Variants in VARS1 observed in about 807,000 individuals in gnomAD.
VARS1 encodes the protein valine--tRNA ligase.
A neutral mutation model predicts 161.0 loss-of-function variants in VARS1; 92 were observed. The ratio of observed to expected loss-of-function variants is 0.57; its 90% CI spans 0.48 to 0.68. The LOEUF is 0.68. Among genes scored for constraint, VARS1 ranks in the 30% least tolerant of loss-of-function variants. The pLI, the probability that VARS1 is intolerant of heterozygous loss-of-function variation, is 0.00. For synonymous variants in VARS1, 595 were observed against 682.5 expected (o/e 0.87, Z 2.00); for missense variants, 1,338 against 1,695.9 (o/e 0.79, Z 3.71).
rs957120328 is a variant in VARS1 at position 31,791,534 on chromosome 6, TC to T, written c.1100+75del. The stretch of plus-strand genomic sequence containing the variant: ...AGCACCAACCCAGAAGGAGAGAGGC[TC>T]GGGGGGCTGTCAGGGAAAAGGAGAG... On this transcript the variant is annotated intron_variant, in intron 8 of 29. Transcript: ENST00000375663. The surrounding 1 kb of genome is among the most constrained non-coding windows in gnomAD (Gnocchi z 5.0). 174 of 1,526,134 alleles carry T rather than the reference TC, an allele frequency of 1.1e-4. No individual in the cohort carries two copies. Among genetic ancestry groups the T allele is most frequent in the African/African-American group, 9.4e-4 (68 of 72,568 alleles). The allele number at this position is 1,526,134 out of a possible 1,614,324, so 94.5% of individuals were successfully genotyped here.
In VARS1 at chr6:31,785,723, G is replaced by C; in HGVS notation, c.1111C>G (p.Arg371Gly). Residue 371 changes from arginine (R) to glycine (G), a missense_variant, in exon 9 of 30, where the codon CGT becomes GGT. Arg to Gly is a moderately radical substitution (Grantham distance 125). This residue lies in a region of VARS1 where 902 missense variants were observed against 1,090.3 expected (regional missense o/e 0.83). Coordinates refer to ENST00000375663, the MANE Select transcript of VARS1 (RefSeq NM_006295.3). This position sits in a 1 kb window ranked among gnomAD's most constrained non-coding sequence, Gnocchi z 6.1. ...GGGTTCCACAGGGTGGTCTCCCCAC[G>C]CATGCGGTGCCTGTTAGGGGGCATG... ...QDSLTRWHRMRGETTLWNPGC... is the reference protein window; with the variant it reads ...QDSLTRWHRMGGETTLWNPGC... The C allele has an allele frequency of 1.2e-6, 2 of 1,610,736 alleles. No homozygotes were observed. Among genetic ancestry groups the C allele is most frequent in the Non-Finnish European group, 1.7e-6 (2 of 1,179,134 alleles).
rs1039959422 is a variant in VARS1, at chr6:31,779,625, A to G, written c.3271T>C (p.Tyr1091His). The change falls in exon 27 of 30, where the codon TAC (tyrosine) becomes CAC (histidine). Residue 1091 changes from tyrosine (Y) to histidine (H), a missense_variant. Coordinates refer to ENST00000375663, the MANE Select transcript of VARS1 (RefSeq NM_006295.3). This position sits in a 1 kb window ranked among gnomAD's most constrained non-coding sequence, Gnocchi z 9.1. ...QAPPSLCVTP[Y>H]PEPSECSWKD... ...TGCCATACCTCTGAGGGCTCCGGGT[A>G]GGGGGTAACACAGAGGCTAGGGGGA... is the stretch of plus-strand genomic sequence containing the variant. 1 of 1,612,534 alleles carries G rather than the reference A, an allele frequency of 6.2e-7. No homozygotes were observed. The highest frequency in any genetic ancestry group is 1.3e-5 in the African/African-American group (1 of 75,004).
In VARS1 at chr6:31,781,959, C is replaced by G. The variant is rs1419814752; in HGVS notation, c.2242-7G>C. The G allele has an allele frequency of 6.2e-7, 1 of 1,613,028 alleles. No individual in the cohort carries two copies. Among genetic ancestry groups the G allele is most frequent in the African/African-American group, 1.3e-5 (1 of 74,930 alleles). On this transcript the variant is annotated splice_region_variant and splice_polypyrimidine_tract_variant and intron_variant, in intron 18 of 29. Transcript: ENST00000375663. The surrounding 1 kb of genome is among the most constrained non-coding windows in gnomAD (Gnocchi z 6.8). ...AGTACCGCCCATCAGGGTCCTGCCA[C>G]AGGTGCAGTGATTACCCAAGGGGGT...
Position 31,778,870 on chromosome 6 carries a change from C to A in VARS1, c.3726+97G>T. On this transcript the variant is annotated intron_variant, in intron 29 of 29. Transcript: ENST00000375663. This position sits in a 1 kb window ranked among gnomAD's most constrained non-coding sequence, Gnocchi z 5.1. ...AAAGAAATCTGTAACTGGTTACGAT[C>A]AATTAGTTGTCAACACCACTGCACT... 6.7e-7 allele frequency: 1 copy of A among 1,484,636 alleles called. No homozygotes were observed. The highest frequency in any genetic ancestry group is 1.2e-5 in the South Asian group (1 of 83,088). The allele number at this position is 1,484,636 out of a possible 1,614,324, so 92.0% of individuals were successfully genotyped here.
rs774690433 is a variant in VARS1, at chr6:31,781,497, C to G, written c.2528G>C (p.Arg843Thr). The change falls in exon 21 of 30, where the codon AGG (arginine) becomes ACG (threonine). Residue 843 changes from arginine to threonine, a missense_variant. Physicochemically the swap from Arg to Thr is moderately conservative, Grantham distance 71. Around this residue, in one of 3 missense-constraint regions of VARS1, gnomAD observed 433 missense variants for 586.2 expected, o/e 0.74. Coordinates refer to ENST00000375663, the MANE Select transcript of VARS1 (RefSeq NM_006295.3). The surrounding 1 kb of genome is among the most constrained non-coding windows in gnomAD (Gnocchi z 6.8). Reference protein sequence around the residue: ...MVMLGLKLTGRLPFREVYLHA... With the variant: ...MVMLGLKLTGTLPFREVYLHA... ...TCTCCGCACCTCTCTAAAGGGCAGCCTGCCCGTGAGCTTCAGGCCCAGCAT... is the reference window on the plus strand; with the variant it reads ...TCTCCGCACCTCTCTAAAGGGCAGCGTGCCCGTGAGCTTCAGGCCCAGCAT... The G allele has an allele frequency of 1.2e-6, 2 of 1,612,780 alleles. No homozygotes were observed. The highest frequency in any genetic ancestry group is 1.7e-6 in the Non-Finnish European group (2 of 1,179,946).
At position 31,782,883 on chromosome 6, in the gene VARS1, C is replaced by A. The variant is rs768661874; in HGVS notation, c.1763-38G>T. ...CAGGATGCCCAGGTCATGAGGGACT[C>A]CACGGAGTTCCTTCCTACACTCACC... On this transcript the variant is annotated intron_variant, in intron 14 of 29. Transcript: ENST00000375663. This position sits in a 1 kb window ranked among gnomAD's most constrained non-coding sequence, Gnocchi z 8.3. 1.3e-6 allele frequency: 2 copies of A among 1,590,736 alleles called. No individual in the cohort carries two copies. Among genetic ancestry groups the A allele is most frequent in the Non-Finnish European group, 1.7e-6 (2 of 1,168,534 alleles).
intron 8 of VARS1, among the ~76,000 whole-genome samples, chr6:31,787,372 C>T (rs570903734): frequency 6.6e-6 from 1 of 152,254 alleles, no homozygotes; most frequent in East Asian, 1.9e-4. Flanking sequence ...TGGCCAGGCA[C>T]AGTGGCTCAC....
At position 31,781,996 on chromosome 6, in the gene VARS1, T is replaced by C; in HGVS notation, c.2242-44A>G. The stretch of plus-strand genomic sequence containing the variant: ...TTACCCAAGGGGGTGTGTCTGCTTC[T>C]GGCTCACCCTGCCCCTCCCCCCACC... On this transcript the variant is annotated intron_variant, in intron 18 of 29. Transcript: ENST00000375663. The surrounding 1 kb of genome is among the most constrained non-coding windows in gnomAD (Gnocchi z 6.8). The C allele has an allele frequency of 1.2e-6, 2 of 1,612,712 alleles. No homozygotes were observed. The highest frequency in any genetic ancestry group is 1.3e-5 in the African/African-American group (1 of 75,034).
At position 31,779,031 on chromosome 6, in the gene VARS1, C is replaced by T. The variant is rs774502891; in HGVS notation, c.3662G>A (p.Arg1221His). Residue 1221 changes from arginine (R) to histidine (H), a missense_variant, in exon 29 of 30, where the codon CGC (arginine) becomes CAC (histidine). Coordinates refer to ENST00000375663, the MANE Select transcript of VARS1 (RefSeq NM_006295.3). The surrounding 1 kb of genome is among the most constrained non-coding windows in gnomAD (Gnocchi z 9.1). ...AQRQAQRLRE[R>H]RAASGYPVKV... The stretch of plus-strand genomic sequence containing the variant: ...GACAGGATAGCCCGAGGCAGCACGG[C>T]GTTCCCGCAGACGCTGGGCCTGCCG... The T allele has an allele frequency of 1.4e-5, 22 of 1,612,956 alleles. No individual in the cohort carries two copies. Among genetic ancestry groups the T allele is most frequent in the African/African-American group, 4.0e-5 (3 of 75,054 alleles).
In VARS1 at chr6:31,785,741, G is replaced by A; in HGVS notation, c.1101-8C>T. ...TCCCCACGCATGCGGTGCCTGTTAG[G>A]GGGCATGGAGGACCAGAGGGTGAGC... On this transcript the variant is annotated splice_polypyrimidine_tract_variant and splice_region_variant and intron_variant, in intron 8 of 29. Transcript: ENST00000375663. The surrounding 1 kb of genome is among the most constrained non-coding windows in gnomAD (Gnocchi z 6.1). 1 of 1,604,936 alleles carries A rather than the reference G, an allele frequency of 6.2e-7. No homozygotes were observed. The highest frequency in any genetic ancestry group is 8.5e-7 in the Non-Finnish European group (1 of 1,177,036).
chr6:31,792,406 G>C lies in VARS1; in HGVS notation c.772C>G (p.Pro258Ala), dbSNP rs1230474871. ...CCTCGCCTCACCTCCCCTGGAGGTG[G>C]CTGCTGCTGTTGGATCTTCTGCTTC... ...QQKQKIQQQQ[P>A]PPGEKKPKPE... Residue 258 changes from proline to alanine, a missense_variant, in exon 5 of 30, where the codon CCA (proline) becomes GCA (alanine). Pro to Ala is a conservative substitution (Grantham distance 27, BLOSUM62 -1). Transcript: ENST00000375663. 2 of 1,613,820 alleles carry C rather than the reference G, an allele frequency of 1.2e-6. No homozygotes were observed. The highest frequency in any genetic ancestry group is 2.7e-5 in the African/African-American group (2 of 74,824).
Position 31,781,583 on chromosome 6 carries a change from G to A in VARS1, c.2442C>T (p.Tyr814=). The change falls in exon 21 of 30, where the codon TAC becomes TAT. Residue 814 remains tyrosine, a synonymous_variant. Transcript: ENST00000375663. The surrounding 1 kb of genome is among the most constrained non-coding windows in gnomAD (Gnocchi z 6.8). Reference sequence around the variant, plus strand: ...GACCGGTCTCCAGCAGTGTCCCGGGGTAGAACACACTCAGGTCTTCTGACT... The same window carrying A: ...GACCGGTCTCCAGCAGTGTCCCGGGATAGAACACACTCAGGTCTTCTGACT... ...PNQSEDLSVF[Y]PGTLLETGHD... is the part of the protein sequence containing the mutation. 6.2e-7 allele frequency: 1 copy of A among 1,613,000 alleles called. No individual in the cohort carries two copies.
At position 31,782,718 on chromosome 6, in the gene VARS1, C is replaced by T; in HGVS notation, c.1887+3G>A. The T allele has an allele frequency of 6.2e-7, 1 of 1,613,046 alleles. No individual in the cohort carries two copies. The highest frequency in any genetic ancestry group is 8.5e-7 in the Non-Finnish European group (1 of 1,179,990). On this transcript the variant is annotated splice_donor_region_variant and intron_variant, in intron 15 of 29. Transcript: ENST00000375663. This position sits in a 1 kb window ranked among gnomAD's most constrained non-coding sequence, Gnocchi z 8.3. Reference sequence around the variant, plus strand: ...CGGGCACTCTTGCCTCAGGCAGCCTCACCAGGAAAGGCGGAGGCACATTGA... The same window carrying T: ...CGGGCACTCTTGCCTCAGGCAGCCTTACCAGGAAAGGCGGAGGCACATTGA...
At position 31,791,795 on chromosome 6, in the gene VARS1, T is replaced by TC; in HGVS notation, c.973-59dup. 6.2e-7 allele frequency: 1 copy of TC among 1,612,914 alleles called. No individual in the cohort carries two copies. The highest frequency in any genetic ancestry group is 8.5e-7 in the Non-Finnish European group (1 of 1,179,988). On this transcript the variant is annotated intron_variant, in intron 7 of 29. Coordinates refer to ENST00000375663, the MANE Select transcript of VARS1 (RefSeq NM_006295.3). The surrounding 1 kb of genome is among the most constrained non-coding windows in gnomAD (Gnocchi z 5.0). ...GCCTCAGGTCACCTCTCCCAGCCCC[T>TC]CCCAGGCAACACATCCTTCAGTCCT...
intron 8 of VARS1, among the ~76,000 whole-genome samples, chr6:31,788,667 G>C (rs1813676972): frequency 6.6e-6 from 1 of 151,796 alleles, no homozygotes; most frequent in Admixed American, 6.6e-5. Context: ...AAATTAGCCA[G>C]GCGTGGTGGC....
chr6:31,779,973 C>T lies in VARS1; in HGVS notation c.3081+25G>A, dbSNP rs1180310723. On this transcript the variant is annotated intron_variant, in intron 26 of 29. Coordinates refer to ENST00000375663, the MANE Select transcript of VARS1 (RefSeq NM_006295.3). This position sits in a 1 kb window ranked among gnomAD's most constrained non-coding sequence, Gnocchi z 9.1. ...TGCTGCCCACCTGCCCCCACCATCC[C>T]CTGCCCCGCTGTGCTCCTTCTCACC... 1 of 1,612,240 alleles carries T rather than the reference C, an allele frequency of 6.2e-7. No individual in the cohort carries two copies. Among genetic ancestry groups the T allele is most frequent in the African/African-American group, 1.3e-5 (1 of 74,870 alleles).
At chr6:31,792,182 C>G (rs1222908247) in intron 6 of VARS1, 35 bp downstream of exon 6, 2 of 1,606,610 alleles carry the variant, frequency 1.2e-6, no homozygotes, top group Non-Finnish European at 1.7e-6. Context: ...TTAGAAGGGG[C>G]TGCTGAGGGG....
Position 31,780,808 on chromosome 6 carries a change from A to G in VARS1, c.2719-25T>C. 6.2e-7 allele frequency: 1 copy of G among 1,614,112 alleles called. No individual in the cohort carries two copies. On this transcript the variant is annotated intron_variant, in intron 23 of 29. Coordinates refer to ENST00000375663, the MANE Select transcript of VARS1 (RefSeq NM_006295.3). The surrounding 1 kb of genome is among the most constrained non-coding windows in gnomAD (Gnocchi z 5.1). ...TCTACAGGGAAGAGGCAGGGGGAGG[A>G]GCGTCCTCAGCCAGCCCCATCCACG...
Position 31,778,710 on chromosome 6 carries a change from C to T in VARS1, c.3726+257G>A, listed in dbSNP as rs1344984381. 9 of 563,836 alleles carry T rather than the reference C, an allele frequency of 1.6e-5. No homozygotes were observed. Among genetic ancestry groups the T allele is most frequent in the Non-Finnish European group, 2.5e-5 (8 of 320,414 alleles). 34.9% of individuals were successfully genotyped at this position (563,836 alleles called of 1,614,324 possible). A position where few individuals can be genotyped will look rare whatever the true frequency, so the allele number is the denominator to read the frequency against. On this transcript the variant is annotated intron_variant, in intron 29 of 29. Coordinates refer to ENST00000375663, the MANE Select transcript of VARS1 (RefSeq NM_006295.3). This position sits in a 1 kb window ranked among gnomAD's most constrained non-coding sequence, Gnocchi z 5.1. ...TTTTTGTTGTAGAGATGGGATTTCA[C>T]CATGTTGGCTGGTCTCAAACCCCTG...
Sources: gnomAD v4.1 joint callset for allele counts (sites outside exome capture counted in the v4.1 genomes callset) on GRCh38, gnomAD v4.1.1 for gene constraint, gnomAD v4.1.1 regional missense constraint, Gnocchi (gnomAD v3.1) non-coding constraint, MANE v1.5 for transcripts, NCBI Gene and HGNC (gene_info 2026-07-23, HGNC 2026-07-21) for gene names.